PREPL: variants seen among roughly 807,000 people sequenced by gnomAD.
PREPL encodes prolyl endopeptidase like, also known as prolyl endopeptidase-like.
In PREPL, 77 loss-of-function variants were observed where a neutral mutation model predicts 70.6. That is an observed-to-expected ratio of 1.09 (90% CI 0.91 to 1.32). The LOEUF (loss-of-function observed/expected upper bound fraction) is 1.32, where lower values mean the gene tolerates loss of function less well. Ranked by LOEUF, PREPL falls within the 40% of genes most tolerant of loss-of-function variation. PREPL has a pLI of 0.00. For synonymous variants in PREPL, 315 were observed against 264.8 expected (o/e 1.19, Z -1.84); for missense variants, 1,002 against 778.2 (o/e 1.29, Z -3.42).
At chr2:44,338,235 T>C (rs1572880334) in intron 7 of PREPL, 116 bp downstream of exon 7, 4 of 992,950 alleles carry the variant, frequency 4.0e-6, no homozygotes, top group Non-Finnish European at 5.8e-6. Flanking sequence ...CCATTTAAGT[T>C]ACATTCCTTT....
intron 8 of PREPL, among the ~76,000 whole-genome samples, chr2:44,329,842 AAAG>A (rs1195541186): frequency 6.6e-6 from 1 of 152,236 alleles, no homozygotes; most frequent in Non-Finnish European, 1.5e-5. Flanking sequence ...TGAACAGACA[AAAG>A]AACTAATTCT....
rs779879227 is a variant in PREPL, at chr2:44,328,938, G to A, written c.1261C>T (p.Arg421Ter). 3.7e-6 allele frequency: 6 copies of A among 1,610,746 alleles called. No homozygotes were observed. The highest frequency in any genetic ancestry group is 2.7e-5 in the African/African-American group (2 of 74,764). ...DGWILAYCHV[R>*]GGGELGLQWH... Reference sequence around the variant, plus strand: ...GCCAGGTAAAATATACTGACTCACCGAACATGGCAGTATGCTAATATCCAT... The same window carrying A: ...GCCAGGTAAAATATACTGACTCACCAAACATGGCAGTATGCTAATATCCAT... The change falls in exon 9 of 14, where the codon CGA (arginine) becomes TGA (stop). Residue 421 changes from arginine (R) to a stop codon, truncating the protein, a stop_gained and splice_region_variant. Transcript: ENST00000409411. LOFTEE classifies it high-confidence loss of function.
At chr2:44,325,387 T>C (rs1673394832) in intron 10 of PREPL, among the ~76,000 whole-genome samples, 1 of 152,242 alleles carries the variant, frequency 6.6e-6, no homozygotes, top group African/African-American at 2.4e-5. Context: ...ATAGTTTCAT[T>C]GGGCCAATTC....
intron 9 of PREPL, among the ~76,000 whole-genome samples, chr2:44,327,343 A>G (rs1014214967): frequency 4.6e-5 from 7 of 152,212 alleles, no homozygotes; most frequent in African/African-American, 1.7e-4. Context: ...GCTACAATAC[A>G]AGTGTATTTA....
chr2:44,326,498 T>G (rs1266352122), intron 10 of PREPL, among the ~76,000 whole-genome samples: 3 of 151,192 alleles, frequency 2.0e-5, no homozygotes, highest in Non-Finnish European at 3.0e-5. Context: ...TGGGTAGGTT[T>G]TTTTTTTTTT....
chr2:44,326,783 T>C lies in PREPL; in HGVS notation c.1408A>G (p.Ser470Gly). ...GCTCCTGCAAGCACCCCTCCAGCACTGAAAGCAGTCAGGGTTGTTAGACTT... is the reference window on the plus strand; with the variant it reads ...GCTCCTGCAAGCACCCCTCCAGCACCGAAAGCAGTCAGGGTTGTTAGACTT... ...QPSLTTLTAF[S>G]AGGVLAGALC... Residue 470 changes from serine to glycine, a missense_variant, in exon 10 of 14, where the codon AGT becomes GGT. Transcript: ENST00000409411. The C allele has an allele frequency of 1.9e-6, 3 of 1,614,172 alleles. No homozygotes were observed. The highest frequency in any genetic ancestry group is 2.5e-6 in the Non-Finnish European group (3 of 1,180,034).
At chr2:44,354,699 C>T (rs956727848) in intron 1 of PREPL, among the ~76,000 whole-genome samples, 1 of 152,102 alleles carries the variant, frequency 6.6e-6, no homozygotes, top group Non-Finnish European at 1.5e-5. Context: ...CTCAGCGTCC[C>T]GAGTAGCTGG....
chr2:44,349,692 C>T (rs948286095), intron 1 of PREPL, among the ~76,000 whole-genome samples: 20 of 152,098 alleles, frequency 1.3e-4, no homozygotes, highest in Admixed American at 1.1e-3. Context: ...AGGCCGGGCG[C>T]GGTGGCTCAC....
In PREPL at chr2:44,320,670, A is replaced by G. The variant is rs1270691381; in HGVS notation, c.*686T>C. On this transcript the variant is annotated 3_prime_UTR_variant, in exon 14 of 14. Transcript: ENST00000409411. ...TTTATGAAGAGATGAAGACACTGGC[A>G]TTTCAGTGGGATTGTAAGCATTTGT... 8 of 1,546,960 alleles carry G rather than the reference A, an allele frequency of 5.2e-6. No homozygotes were observed. The South Asian group carries it at 8.9e-5, about 17-fold the overall frequency.
At chr2:44,328,379 G>C (rs2103776840) in intron 9 of PREPL, among the ~76,000 whole-genome samples, 1 of 143,760 alleles carries the variant, frequency 7.0e-6, no homozygotes, top group East Asian at 2.1e-4. Context: ...AGAGGTTGCA[G>C]TGAGCCGAGA....
chr2:44,355,395 A>G (rs1257225794), intron 1 of PREPL, among the ~76,000 whole-genome samples: 7 of 152,196 alleles, frequency 4.6e-5, no homozygotes, highest in African/African-American at 1.7e-4. Context: ...TAAAATATAA[A>G]AAAATTAGCT....
chr2:44,334,061 T>C (rs758009978), intron 7 of PREPL, among the ~76,000 whole-genome samples: 13 of 152,216 alleles, frequency 8.5e-5, no homozygotes, highest in Non-Finnish European at 1.8e-4. Context: ...AACATTAATG[T>C]TTTAATCATA....
At chr2:44,337,885 G>A (rs4953089) in intron 7 of PREPL, among the ~76,000 whole-genome samples, 101,722 of 152,070 alleles carry the variant, frequency 0.67, 34,659 homozygotes, top group African/African-American at 0.74. Flanking sequence ...CATCCCCTGC[G>A]GATAAGAAAA....
chr2:44,325,450 C>A (rs891194221), intron 10 of PREPL, among the ~76,000 whole-genome samples: 2 of 152,174 alleles, frequency 1.3e-5, no homozygotes, highest in Non-Finnish European at 2.9e-5. Context: ...CCTACATTTT[C>A]CTAATGCCCT....
intron 1 of PREPL, among the ~76,000 whole-genome samples, chr2:44,361,040 A>G (rs1025224902): frequency 2.0e-5 from 3 of 152,196 alleles, no homozygotes; most frequent in Non-Finnish European, 2.9e-5. Context: ...AAAAAAGGGG[A>G]AAAAAGACCC....
chr2:44,351,453 T>C (rs1319310887), intron 1 of PREPL, among the ~76,000 whole-genome samples: 4 of 151,680 alleles, frequency 2.6e-5, no homozygotes, highest in East Asian at 3.9e-4. Context: ...CTTAGATGTC[T>C]AATATGCCAA....
At chr2:44,355,164 G>C (rs1676888386) in intron 1 of PREPL, among the ~76,000 whole-genome samples, 2 of 152,162 alleles carry the variant, frequency 1.3e-5, no homozygotes, top group African/African-American at 4.8e-5. Flanking sequence ...AAAATCATTT[G>C]TTTTCTAACA....
chr2:44,343,942 T>C lies in PREPL; in HGVS notation c.152A>G (p.Asp51Gly), dbSNP rs2103987317. The C allele has an allele frequency of 1.9e-6, 3 of 1,613,804 alleles. No homozygotes were observed. The highest frequency in any genetic ancestry group is 2.2e-5 in the South Asian group (2 of 91,062). ...CAAATTGAATAAAACTTCATAATTATCATTGTCTGCTGTATAAAGAAAAAT... is the reference window on the plus strand; with the variant it reads ...CAAATTGAATAAAACTTCATAATTACCATTGTCTGCTGTATAAAGAAAAAT... ...VRSKDEEADN[D>G]NYEVLFNLEE... Residue 51 changes from aspartate (D) to glycine (G), a missense_variant, in exon 4 of 14, where the codon GAT becomes GGT. Asp to Gly is a moderately conservative substitution (Grantham distance 94, BLOSUM62 -1). Coordinates refer to ENST00000409411, the MANE Select transcript of PREPL (RefSeq NM_001171613.2).
rs1248834042 is a variant in PREPL at position 44,323,390 on chromosome 2, T to C, written c.1501A>G (p.Asn501Asp). ...TLEAPFLDVL[N>D]TMMDTTLPLT... ...GGAAGTGTAGTGTCCATCATGGTGT[T>C]GAGAACATCCAAGAAAGGTGCCTAA... Residue 501 changes from asparagine to aspartate, a missense_variant, in exon 11 of 14, where the codon AAC becomes GAC. Transcript: ENST00000409411. 1 of 1,596,624 alleles carries C rather than the reference T, an allele frequency of 6.3e-7. No homozygotes were observed. Among genetic ancestry groups the C allele is most frequent in the East Asian group, 2.2e-5 (1 of 44,500 alleles).
Sources: allele counts gnomAD v4.1 joint callset (sites outside exome capture counted in the v4.1 genomes callset), GRCh38; gene constraint gnomAD v4.1.1; transcripts MANE v1.5; gene names NCBI Gene and HGNC (gene_info 2026-07-23, HGNC 2026-07-21).